The following TTI1 variants were observed in gnomAD, a reference collection of about 807,000 sequenced individuals.
TTI1 encodes the protein TELO2-interacting protein 1 homolog.
Under a neutral mutation model 85.4 loss-of-function variants are expected in TTI1, and 52 were observed. The observed-to-expected ratio is 0.61, with a 90% CI of 0.49 to 0.77. The LOEUF is 0.77. Among genes scored for constraint, TTI1 ranks in the 30% least tolerant of loss-of-function variants. The pLI is 0.00. For missense variants in TTI1, 1,173 were observed against 1,296.0 expected, an observed-to-expected ratio of 0.91 and a Z score of 1.46; for synonymous variants, 512 against 503.9, an observed-to-expected ratio of 1.02 and a Z score of -0.22.
intron 3 of TTI1, among the ~76,000 whole-genome samples, chr20:38,004,072 T>C (rs1423616064): frequency 1.3e-5 from 2 of 152,126 alleles, no homozygotes; most frequent in African/African-American, 2.4e-5. Flanking sequence ...TCATCCTACA[T>C]TACCTCATCT....
At position 38,012,045 on chromosome 20, in the gene TTI1, C is replaced by T. The variant is rs1375127067; in HGVS notation, c.1772G>A (p.Gly591Asp). 1 of 1,614,216 alleles carries T rather than the reference C, an allele frequency of 6.2e-7. No homozygotes were observed. Reference sequence around the variant, plus strand: ...TTCACCAGACGTGATGGCTTGGAGGCCTGGGTGCTCCATCATCAGCTCCTC... The same window carrying T: ...TTCACCAGACGTGATGGCTTGGAGGTCTGGGTGCTCCATCATCAGCTCCTC... ...MGEELMMEHP[G>D]LQAITSGEHT... The change falls in exon 2 of 8, where the codon GGC (glycine) becomes GAC (aspartate). Residue 591 changes from glycine to aspartate, a missense_variant. Physicochemically the swap from Gly to Asp is moderately conservative, Grantham distance 94. Coordinates refer to ENST00000373447, the MANE Select transcript of TTI1 (RefSeq NM_001303457.2).
At chr20:37,991,368 C>G (rs569135938) in intron 7 of TTI1, among the ~76,000 whole-genome samples, 1 of 152,312 alleles carries the variant, frequency 6.6e-6, no homozygotes, top group Admixed American at 6.5e-5. Flanking sequence ...GCTCCTCATC[C>G]GTTCAAATAT....
intron 1 of TTI1, among the ~76,000 whole-genome samples, chr20:38,015,652 TAATAAA>T (rs1361624395): frequency 2.0e-5 from 3 of 152,096 alleles, no homozygotes; most frequent in African/African-American, 7.2e-5. Context: ...ATAATAATAA[TAATAAA>T]AAGACCAAGT....
chr20:37,996,290 A>G (rs974210288), intron 7 of TTI1, 85 bp downstream of exon 7: 4 of 1,396,442 alleles, frequency 2.9e-6, no homozygotes, highest in Non-Finnish European at 4.0e-6. Flanking sequence ...AAAAGAGCAG[A>G]GATGCCTCAA....
At chr20:38,027,694 G>C (rs2073853588) in intron 1 of TTI1, among the ~76,000 whole-genome samples, 1 of 152,212 alleles carries the variant, frequency 6.6e-6, no homozygotes, top group Non-Finnish European at 1.5e-5. Context: ...GGAGGCTGAG[G>C]TGGGTGGATC....
Position 38,012,762 on chromosome 20 carries a change from T to C in TTI1, c.1055A>G (p.Asn352Ser), listed in dbSNP as rs2073618947. The change falls in exon 2 of 8, where the codon AAT (asparagine) becomes AGT (serine). Residue 352 changes from asparagine to serine, a missense_variant. By Grantham distance (46) the Asn-to-Ser change is conservative. Coordinates refer to ENST00000373447, the MANE Select transcript of TTI1 (RefSeq NM_001303457.2). ...DESPEIQAQC[N>S]KVLRHFADQK... The stretch of plus-strand genomic sequence containing the variant: ...ATCTGCAAAATGTCTCAGAACTTTA[T>C]TGCACTGGGCTTGGATTTCAGGACT... The C allele has an allele frequency of 6.2e-7, 1 of 1,614,180 alleles. No homozygotes were observed. Among genetic ancestry groups the C allele is most frequent in the East Asian group, 2.2e-5 (1 of 44,890 alleles).
intron 2 of TTI1, among the ~76,000 whole-genome samples, chr20:38,008,724 TAA>T (rs1231597302): frequency 6.6e-6 from 1 of 152,172 alleles, no homozygotes; most frequent in Admixed American, 6.5e-5. Flanking sequence ...ACACCCATCT[TAA>T]AAGAGTGGAC....
intron 5 of TTI1, among the ~76,000 whole-genome samples, chr20:37,998,916 T>TA (rs113572851): frequency 0.028 from 4,280 of 152,332 alleles, 178 homozygotes; most frequent in African/African-American, 0.096. Context: ...AAAGACAATA[T>TA]ACCTACCTTG....
At chr20:38,013,924 A>G (rs2073643815) in intron 1 of TTI1, 67 bp from the exon 2 acceptor site, 1 of 1,478,820 alleles carries the variant, frequency 6.8e-7, no homozygotes, top group Admixed American at 2.2e-5. Flanking sequence ...ACTTGCATTC[A>G]TTCATTCAAC....
intron 7 of TTI1, among the ~76,000 whole-genome samples, chr20:37,990,205 ACTTC>A (rs1327755517): frequency 6.6e-6 from 1 of 152,086 alleles, no homozygotes; most frequent in Non-Finnish European, 1.5e-5. Context: ...AAATTTCTTC[ACTTC>A]CTTCCTTTTT....
chr20:38,029,122 T>C (rs1163536887), intron 1 of TTI1, among the ~76,000 whole-genome samples: 1 of 151,940 alleles, frequency 6.6e-6, no homozygotes, highest in Non-Finnish European at 1.5e-5. Context: ...CCAGCCACAA[T>C]GAAATCAAGC....
Position 37,983,610 on chromosome 20 carries a change from G to C in TTI1, c.3116C>G (p.Pro1039Arg). 1 of 1,545,030 alleles carries C rather than the reference G, an allele frequency of 6.5e-7. No individual in the cohort carries two copies. The highest frequency in any genetic ancestry group is 8.7e-7 in the Non-Finnish European group (1 of 1,144,432). ...GTTCAGGAGGAACCAGGTGGAGTCT[G>C]GGTCCACCTTCATCAAGTGGAGGAA... ...SVFLHLMKVD[P>R]DSTWFLLNEL... The change falls in exon 8 of 8, where the codon CCA becomes CGA. Residue 1039 changes from proline to arginine, a missense_variant. Pro to Arg is a moderately radical substitution (Grantham distance 103). Coordinates refer to ENST00000373447, the MANE Select transcript of TTI1 (RefSeq NM_001303457.2).
chr20:38,024,442 G>A (rs555570091), intron 1 of TTI1, among the ~76,000 whole-genome samples: 2 of 152,010 alleles, frequency 1.3e-5, no homozygotes, highest in Non-Finnish European at 2.9e-5. Context: ...CCCAGAACCT[G>A]GGGAGTGACA....
intron 1 of TTI1, among the ~76,000 whole-genome samples, chr20:38,028,131 C>T (rs1258531042): frequency 6.6e-6 from 1 of 152,178 alleles, no homozygotes; most frequent in Admixed American, 6.5e-5. Flanking sequence ...TTTCAATCCA[C>T]AGTTGACTGA....
At chr20:38,025,180 C>T (rs1378071590) in intron 1 of TTI1, among the ~76,000 whole-genome samples, 1 of 152,118 alleles carries the variant, frequency 6.6e-6, no homozygotes, top group African/African-American at 2.4e-5. Context: ...GACAAAACAG[C>T]CTCAACAGAT....
chr20:38,026,732 A>G (rs1361241528), intron 1 of TTI1, among the ~76,000 whole-genome samples: 6 of 152,340 alleles, frequency 3.9e-5, no homozygotes, highest in East Asian at 1.9e-4. Context: ...ATTAAGGGGG[A>G]AGAAAGAACA....
At chr20:38,031,378 G>A (rs940202153) in intron 1 of TTI1, among the ~76,000 whole-genome samples, 10 of 152,096 alleles carry the variant, frequency 6.6e-5, no homozygotes, top group African/African-American at 2.2e-4. Context: ...CTCTGCTGTT[G>A]CTCCAAAATG....
chr20:37,997,805 C>T (rs979883630), intron 5 of TTI1, among the ~76,000 whole-genome samples: 6 of 152,130 alleles, frequency 3.9e-5, no homozygotes, highest in African/African-American at 1.4e-4. Flanking sequence ...ATTGTGTACA[C>T]ATCTTTATTT....
At chr20:38,006,508 T>C in intron 2 of TTI1, 111 bp from the exon 3 acceptor site, 2 of 1,210,186 alleles carry the variant, frequency 1.7e-6, no homozygotes, top group Admixed American at 4.3e-5. Context: ...CATGATTCAG[T>C]CCCTGCCTGG....
Sources: allele counts gnomAD v4.1 joint callset (sites outside exome capture counted in the v4.1 genomes callset), GRCh38; gene constraint gnomAD v4.1.1; transcripts MANE v1.5; gene names NCBI Gene and HGNC (gene_info 2026-07-23, HGNC 2026-07-21).